AKR1C3: variants seen among roughly 807,000 people sequenced by gnomAD.
AKR1C3 encodes aldo-keto reductase family 1 member C3.
AKR1C3 carries 48 observed loss-of-function variants against 43.6 expected under a neutral mutation model. The ratio of observed to expected loss-of-function variants is 1.10; its 90% CI spans 0.87 to 1.40. The LOEUF (loss-of-function observed/expected upper bound fraction) is 1.40, where lower values mean the gene tolerates loss of function less well. Among genes scored for constraint, AKR1C3 ranks in the 40% most tolerant of loss-of-function variants. The pLI is 0.00. For missense variants in AKR1C3, 482 were observed against 391.2 expected, an observed-to-expected ratio of 1.23 and a Z score of -1.96; for synonymous variants, 162 against 139.6, an observed-to-expected ratio of 1.16 and a Z score of -1.13.
At chr10:5,102,251 G>C (rs1320333468) in intron 6 of AKR1C3, 41 bp downstream of exon 6, 1 of 1,595,638 alleles carries the variant, frequency 6.3e-7, no homozygotes, top group African/African-American at 1.3e-5. Flanking sequence ...CCTTCATTTT[G>C]CAGAAAATTT....
Position 5,107,308 on chromosome 10 carries a change from T to C in AKR1C3, c.930-153T>C, listed in dbSNP as rs587762009. 2.0e-5 allele frequency among the ~76,000 whole-genome samples: 3 copies of C among 152,326 alleles called. No homozygotes were observed. The East Asian group carries it at 5.8e-4, about 29-fold the overall frequency. ...ATTTATTATTTTGAAAATACTGTAT[T>C]ATGAAGCCATGTTCATAAAGGTAAG... On this transcript the variant is annotated intron_variant, in intron 8 of 8. Transcript: ENST00000380554.
chr10:5,057,644 C>T (rs1204544657), intron 1 of AKR1C3, among the ~76,000 whole-genome samples: 5 of 152,160 alleles, frequency 3.3e-5, no homozygotes, highest in Non-Finnish European at 5.9e-5. Flanking sequence ...TTCTAATTCT[C>T]CTTAGTCCTT....
chr10:5,049,191 G>A (rs1554778697), intron 1 of AKR1C3, among the ~76,000 whole-genome samples: 3 of 152,074 alleles, frequency 2.0e-5, no homozygotes, highest in African/African-American at 7.3e-5. Context: ...AACACTGCCT[G>A]CCTGCTCCTC....
rs1444775437 is a variant in AKR1C3, at chr10:5,102,689, G to T, written c.846+39G>T. 3 of 1,447,590 alleles carry T rather than the reference G, an allele frequency of 2.1e-6. No individual in the cohort carries two copies. In the African/African-American group the frequency reaches 4.3e-5, roughly 21 times the overall value. 89.7% of individuals were successfully genotyped at this position (1,447,590 alleles called of 1,614,324 possible). ...CTGTGGGCCTCAGGTCTCCTGCACAGTGTCCTTCACACGTGTGCTTCTTGT... is the reference window on the plus strand; with the variant it reads ...CTGTGGGCCTCAGGTCTCCTGCACATTGTCCTTCACACGTGTGCTTCTTGT... On this transcript the variant is annotated intron_variant, in intron 7 of 8. Coordinates refer to ENST00000380554, the MANE Select transcript of AKR1C3 (RefSeq NM_003739.6).
intron 2 of AKR1C3, among the ~76,000 whole-genome samples, chr10:5,097,150 T>G (rs1157713829): frequency 6.6e-6 from 1 of 152,174 alleles, no homozygotes; most frequent in Non-Finnish European, 1.5e-5. Flanking sequence ...TAAACTCTAC[T>G]GAAGATAATT....
intron 1 of AKR1C3, among the ~76,000 whole-genome samples, chr10:5,079,191 T>C (rs1244548888): frequency 6.6e-6 from 1 of 152,196 alleles, no homozygotes; most frequent in East Asian, 1.9e-4. Flanking sequence ...TTGTCCAGTG[T>C]GTCTGAGGGT....
At chr10:5,058,023 G>T (rs1030739614) in intron 1 of AKR1C3, among the ~76,000 whole-genome samples, 1 of 152,138 alleles carries the variant, frequency 6.6e-6, no homozygotes, top group African/African-American at 2.4e-5. Context: ...ACATGTACCC[G>T]GGTTGGGCCA....
intron 1 of AKR1C3, among the ~76,000 whole-genome samples, chr10:5,068,101 T>G (rs1236110227): frequency 1.3e-5 from 2 of 152,224 alleles, no homozygotes; most frequent in Non-Finnish European, 2.9e-5. Context: ...TTGATTAATT[T>G]TTTTGTTCTA....
At chr10:5,055,361 T>G (rs1838237663) in intron 1 of AKR1C3, among the ~76,000 whole-genome samples, 1 of 152,230 alleles carries the variant, frequency 6.6e-6, no homozygotes, top group South Asian at 2.1e-4. Context: ...TTGAGGGGCA[T>G]GCACATGCAT....
chr10:5,100,301 A>G (rs1839316468), intron 5 of AKR1C3, among the ~76,000 whole-genome samples: 1 of 152,234 alleles, frequency 6.6e-6, no homozygotes, highest in East Asian at 1.9e-4. Context: ...TCTCAAAAAA[A>G]AAGAGAAAAA....
intron 4 of AKR1C3, 143 bp from the exon 5 acceptor site, chr10:5,099,184 T>G: frequency 7.1e-7 from 1 of 1,405,170 alleles, no homozygotes; most frequent in Non-Finnish European, 9.6e-7. Flanking sequence ...ATTTGCTGTT[T>G]GAATTTTTCT....
chr10:5,096,646 G>A, intron 2 of AKR1C3, 69 bp downstream of exon 2: 6 of 1,514,264 alleles, frequency 4.0e-6, no homozygotes, highest in Middle Eastern at 1.8e-4. Flanking sequence ...ACAATTCTAT[G>A]ACTGGATGAG....
intron 1 of AKR1C3, among the ~76,000 whole-genome samples, chr10:5,082,359 G>C (rs1187630470): frequency 6.6e-6 from 1 of 152,084 alleles, no homozygotes; most frequent in Non-Finnish European, 1.5e-5. Flanking sequence ...TCCTTGTCTT[G>C]TTCCAGTTCT....
chr10:5,093,328 A>G (rs1256712700), upstream of AKR1C3: 1 of 152,112 alleles, frequency 6.6e-6, no homozygotes, highest in Non-Finnish European at 1.5e-5. Flanking sequence ...AAAGCTTTCA[A>G]TGATTTTATA....
At position 5,077,650 on chromosome 10, in the gene AKR1C3, A is replaced by C. The variant is rs1285610064; in HGVS notation, c.85-18760A>C. 4 of 1,067,762 alleles carry C rather than the reference A, an allele frequency of 3.7e-6. No homozygotes were observed. The African/African-American group carries it at 6.6e-5, about 18-fold the overall frequency. The allele number at this position is 1,067,762 out of a possible 1,614,324, so 66.1% of individuals were successfully genotyped here. A position where few individuals can be genotyped will look rare whatever the true frequency, so the allele number is the denominator to read the frequency against. ...GCAAGGAGTTTGGTTTTTGCTGAAC[A>C]TTCCCCTTAGTAAAATGGCAGGATG... On this transcript the variant is annotated intron_variant, in intron 1 of 8. Transcript: ENST00000439082.
chr10:5,073,165 T>C (rs61856141), intron 1 of AKR1C3, among the ~76,000 whole-genome samples: 24,472 of 152,094 alleles, frequency 0.16, 2,409 homozygotes, highest in Admixed American at 0.24. Flanking sequence ...GATTTCACCA[T>C]GTTGGCCAGG....
chr10:5,094,462 G>A lies in AKR1C3; in HGVS notation c.18G>A (p.Gln6=), dbSNP rs200791410. The change falls in exon 1 of 9, where the codon CAG becomes CAA. Residue 6 remains glutamine (Q), a synonymous_variant. Transcript: ENST00000380554. ...GACAGGGAATGGATTCCAAACACCA[G>A]TGTGTAAAGCTAAATGATGGCCACT... MDSKH[Q]CVKLNDGHFM... is the part of the protein sequence containing the mutation. The A allele has an allele frequency of 1.4e-5, 23 of 1,612,410 alleles. No homozygotes were observed. Among genetic ancestry groups the A allele is most frequent in the Non-Finnish European group, 1.9e-5 (22 of 1,178,810 alleles).
At chr10:5,103,882 G>A (rs1445128006) in intron 7 of AKR1C3, among the ~76,000 whole-genome samples, 1 of 152,028 alleles carries the variant, frequency 6.6e-6, no homozygotes, top group Non-Finnish European at 1.5e-5. Context: ...TGGAGGAAGT[G>A]TTTCTTATTA....
At chr10:5,051,579 A>C (rs1554778921) in intron 1 of AKR1C3, among the ~76,000 whole-genome samples, 1 of 152,236 alleles carries the variant, frequency 6.6e-6, no homozygotes, top group African/African-American at 2.4e-5. Flanking sequence ...GCTACCCCCC[A>C]GTAATGGAAT....
Sources: gnomAD v4.1 joint callset for allele counts (sites outside exome capture counted in the v4.1 genomes callset) on GRCh38, gnomAD v4.1.1 for gene constraint, MANE v1.5 for transcripts, NCBI Gene and HGNC (gene_info 2026-07-23, HGNC 2026-07-21) for gene names.